The following F13A1 variants were observed in gnomAD, a reference collection of about 807,000 sequenced individuals.
The protein encoded by F13A1 is FSF, A subunit.
F13A1 carries 47 observed loss-of-function variants against 80.1 expected under a neutral mutation model. That is an observed-to-expected ratio of 0.59 (90% CI 0.46 to 0.75). The LOEUF (loss-of-function observed/expected upper bound fraction) is 0.75, where lower values mean the gene tolerates loss of function less well. Ranked by LOEUF, F13A1 falls within the 30% of genes least tolerant of loss-of-function variation. The probability of loss-of-function intolerance (pLI) is 0.00; values close to 1 mark genes in which losing one functional copy is unlikely to be tolerated. For missense variants in F13A1, 817 were observed against 930.4 expected (o/e 0.88, Z 1.59); for synonymous variants, 349 against 344.9 (o/e 1.01, Z -0.13).
chr6:6,178,039 GGGAGA>G (rs1438538795), intron 11 of F13A1, among the ~76,000 whole-genome samples: 2 of 21,038 alleles, frequency 9.5e-5, no homozygotes, highest in African/African-American at 2.8e-4. Context: ...GGAGGCCACA[GGGAGA>G]GGGGGGGGGG....
chr6:6,210,282 C>G (rs1284519723), intron 8 of F13A1, among the ~76,000 whole-genome samples: 1 of 96,170 alleles, frequency 1.0e-5, no homozygotes, highest in Non-Finnish European at 2.5e-5. Context: ...GAATTGTGTA[C>G]TTTACTTTAA....
intron 6 of F13A1, among the ~76,000 whole-genome samples, chr6:6,226,151 C>T (rs1742926): frequency 0.42 from 63,657 of 152,014 alleles, 13,558 homozygotes; most frequent in Admixed American, 0.51. Context: ...CTTGGTGTAA[C>T]GTTGATCATG....
intron 13 of F13A1, among the ~76,000 whole-genome samples, chr6:6,154,057 T>C (rs898335958): frequency 1.2e-4 from 18 of 148,564 alleles, no homozygotes; most frequent in Admixed American, 6.9e-4. Context: ...AACTCTAAGA[T>C]AGAGTGCTAC....
chr6:6,299,048 C>A (rs1381775839), intron 3 of F13A1, among the ~76,000 whole-genome samples: 3 of 146,972 alleles, frequency 2.0e-5, no homozygotes. Flanking sequence ...GTTGAAAATT[C>A]TTTTCTTTAA....
intron 3 of F13A1, among the ~76,000 whole-genome samples, chr6:6,282,720 C>T (rs1021776528): frequency 3.3e-5 from 5 of 152,274 alleles, no homozygotes; most frequent in African/African-American, 1.2e-4. Context: ...AAGAAAACTG[C>T]CTCATCCAGG....
intron 10 of F13A1, among the ~76,000 whole-genome samples, chr6:6,190,834 C>T (rs1325672523): frequency 7.2e-5 from 11 of 152,086 alleles, no homozygotes; most frequent in Admixed American, 7.2e-4. Context: ...TCGCTGCCGC[C>T]TTGCAGTTTG....
At chr6:6,156,541 C>T (rs1253876841) in intron 13 of F13A1, among the ~76,000 whole-genome samples, 4 of 152,164 alleles carry the variant, frequency 2.6e-5, no homozygotes, top group East Asian at 1.9e-4. Context: ...ATGTATTGCA[C>T]GTATTTCTGG....
At chr6:6,285,142 A>C (rs1244158220) in intron 3 of F13A1, among the ~76,000 whole-genome samples, 1 of 152,170 alleles carries the variant, frequency 6.6e-6, no homozygotes, top group African/African-American at 2.4e-5. Context: ...CCAGCTACTC[A>C]GGAGGCTGAG....
chr6:6,154,807 A>G (rs1328084299), intron 13 of F13A1, among the ~76,000 whole-genome samples: 3 of 152,288 alleles, frequency 2.0e-5, no homozygotes, highest in Non-Finnish European at 2.9e-5. Flanking sequence ...GATTTAAAAA[A>G]TACAAAATAA....
intron 3 of F13A1, among the ~76,000 whole-genome samples, chr6:6,291,185 T>TC (rs943774854): frequency 2.6e-5 from 4 of 152,102 alleles, no homozygotes; most frequent in African/African-American, 9.7e-5. Context: ...AGTCATACCC[T>TC]CCTTCACCTC....
At chr6:6,262,466 C>A (rs1757790160) in intron 4 of F13A1, among the ~76,000 whole-genome samples, 2 of 152,216 alleles carry the variant, frequency 1.3e-5, no homozygotes, top group African/African-American at 4.8e-5. Flanking sequence ...GCAGAGGCAG[C>A]CATGAAGTCA....
intron 3 of F13A1, among the ~76,000 whole-genome samples, chr6:6,303,652 C>A (rs1758468926): frequency 1.3e-5 from 2 of 152,142 alleles, no homozygotes; most frequent in South Asian, 4.1e-4. Flanking sequence ...TTCCATCTAA[C>A]TGAAATTTTG....
At chr6:6,171,439 T>C (rs755656) in intron 12 of F13A1, among the ~76,000 whole-genome samples, 66,697 of 151,998 alleles carry the variant, frequency 0.44, 14,988 homozygotes, top group Middle Eastern at 0.57. Flanking sequence ...CCTCCATACC[T>C]TCCTTCTCTC....
intron 13 of F13A1, among the ~76,000 whole-genome samples, chr6:6,164,115 G>A (rs1051492623): frequency 6.6e-6 from 1 of 151,154 alleles, no homozygotes; most frequent in Non-Finnish European, 1.5e-5. Flanking sequence ...ATGTTTACAG[G>A]AAAAAAACCA....
chr6:6,204,886 C>T (rs929392908), intron 8 of F13A1, among the ~76,000 whole-genome samples: 20 of 152,156 alleles, frequency 1.3e-4, no homozygotes, highest in Admixed American at 5.9e-4. Context: ...TGTTAACTGG[C>T]GTCATGTCAA....
intron 8 of F13A1, among the ~76,000 whole-genome samples, chr6:6,199,576 T>C (rs190472126): frequency 6.6e-6 from 1 of 152,194 alleles, no homozygotes; most frequent in Admixed American, 6.5e-5. Context: ...GTTAAGAACC[T>C]TGCTGAGGTC....
At chr6:6,183,958 A>C (rs2151077793) in intron 10 of F13A1, among the ~76,000 whole-genome samples, 1 of 152,338 alleles carries the variant, frequency 6.6e-6, no homozygotes, top group Non-Finnish European at 1.5e-5. Context: ...GTAAAAATAT[A>C]ATAGTCATCA....
intron 10 of F13A1, among the ~76,000 whole-genome samples, chr6:6,189,383 A>G (rs1163111501): frequency 9.7e-6 from 1 of 103,146 alleles, no homozygotes; most frequent in African/African-American, 3.4e-5. Flanking sequence ...TTCCATGTTT[A>G]GCGCTTCCTT....
intron 11 of F13A1, among the ~76,000 whole-genome samples, chr6:6,178,577 G>C (rs931772849): frequency 2.6e-5 from 4 of 152,114 alleles, no homozygotes; most frequent in Non-Finnish European, 5.9e-5. Context: ...AGTCCCGGTG[G>C]AGACACAGAC....
Sources: gnomAD v4.1 joint callset for allele counts (sites outside exome capture counted in the v4.1 genomes callset) on GRCh38, gnomAD v4.1.1 for gene constraint, MANE v1.5 for transcripts, NCBI Gene and HGNC (gene_info 2026-07-23, HGNC 2026-07-21) for gene names.